DAB1: variants seen among roughly 807,000 people sequenced by gnomAD.
The protein encoded by DAB1 is DAB adaptor protein 1.
In DAB1, 15 loss-of-function variants were observed where a neutral mutation model predicts 64.6. The observed-to-expected ratio is 0.23, with a 90% CI of 0.16 to 0.36. The LOEUF (loss-of-function observed/expected upper bound fraction) is 0.36. DAB1 is among the 10% of genes least tolerant of loss of function. The pLI, the probability that DAB1 is intolerant of heterozygous loss-of-function variation, is 1.00. For missense variants in DAB1, 596 were observed against 706.7 expected (o/e 0.84, Z 1.78); for synonymous variants, 235 against 251.9 (o/e 0.93, Z 0.64).
At position 58,043,501 on chromosome 1, in the gene DAB1, A is replaced by G. The variant is rs113903419; in HGVS notation, n.387+107010T>C. 5.5e-3 allele frequency among the ~76,000 whole-genome samples: 843 copies of G among 152,212 alleles called. 9 individuals carry two copies. Among genetic ancestry groups the G allele is most frequent in the African/African-American group, 0.019 (777 of 41,522 alleles). On this transcript the variant is annotated intron_variant and non_coding_transcript_variant, in intron 5 of 20. Coordinates refer to the DAB1 transcript ENST00000485760. The stretch of plus-strand genomic sequence containing the variant: ...TTCCACTGCTTGTAGTGCTTTTTCA[A>G]TCTGATCCATCTGACAAAACTCTCT...
chr1:57,399,520 G>A (rs1570449861), intron 1 of DAB1, among the ~76,000 whole-genome samples: 1 of 152,204 alleles, frequency 6.6e-6, no homozygotes, highest in Admixed American at 6.5e-5. Flanking sequence ...TGCTTTAGAA[G>A]GTAGGCCAAG....
intron 6 of DAB1, among the ~76,000 whole-genome samples, chr1:57,692,400 G>A (rs1400837158): frequency 6.6e-6 from 1 of 151,998 alleles, no homozygotes; most frequent in African/African-American, 2.4e-5. Context: ...GAGAGGAAGA[G>A]AGAAAGAGAA....
intron 4 of DAB1, among the ~76,000 whole-genome samples, chr1:57,133,744 T>C (rs1444938482): frequency 4.6e-5 from 7 of 152,122 alleles, no homozygotes. Flanking sequence ...TCTTGGTTTT[T>C]AAAAAAAGTG....
intron 1 of DAB1, among the ~76,000 whole-genome samples, chr1:57,390,525 A>G (rs1682262415): frequency 6.6e-6 from 1 of 152,226 alleles, no homozygotes. Context: ...TTCTGCAAGC[A>G]AGTGTCCCAA....
chr1:57,583,693 C>T (rs145448203), intron 7 of DAB1, among the ~76,000 whole-genome samples: 199 of 152,298 alleles, frequency 1.3e-3, no homozygotes, highest in Middle Eastern at 3.4e-3. Flanking sequence ...GTGCATCAAA[C>T]AAATCATATG....
chr1:57,916,186 A>G (rs992083582), intron 5 of DAB1, among the ~76,000 whole-genome samples: 1 of 152,198 alleles, frequency 6.6e-6, no homozygotes, highest in African/African-American at 2.4e-5. Flanking sequence ...GGGCTGTAAC[A>G]CAGCCAAACC....
At chr1:58,331,153 A>T (rs1372671554) in intron 4 of DAB1, among the ~76,000 whole-genome samples, 1 of 152,202 alleles carries the variant, frequency 6.6e-6, no homozygotes, top group Non-Finnish European at 1.5e-5. Flanking sequence ...GAAGAAGTTG[A>T]TTCCAACCCT....
chr1:57,338,543 T>C (rs566201040), intron 1 of DAB1, among the ~76,000 whole-genome samples: 1 of 152,326 alleles, frequency 6.6e-6, no homozygotes, highest in Admixed American at 6.5e-5. Flanking sequence ...AGGCTATTTT[T>C]ATGCAAGTTT....
intron 7 of DAB1, among the ~76,000 whole-genome samples, chr1:57,624,702 A>T (rs1645901986): frequency 6.6e-6 from 1 of 152,236 alleles, no homozygotes; most frequent in Non-Finnish European, 1.5e-5. Context: ...AATAAGCCAC[A>T]TTAACAAAGC....
intron 6 of DAB1, among the ~76,000 whole-genome samples, chr1:57,736,316 C>G (rs1647690097): frequency 6.6e-6 from 1 of 152,124 alleles, no homozygotes. Flanking sequence ...TGCTAGGACC[C>G]CAAAGCAAAC....
chr1:57,597,210 G>A (rs1645521401), intron 7 of DAB1, among the ~76,000 whole-genome samples: 1 of 152,132 alleles, frequency 6.6e-6, no homozygotes, highest in Admixed American at 6.5e-5. Context: ...CCTAATCAAA[G>A]CCTGCCTGAT....
intron 5 of DAB1, among the ~76,000 whole-genome samples, chr1:58,003,561 C>T (rs1477648125): frequency 6.6e-6 from 1 of 152,166 alleles, no homozygotes; most frequent in East Asian, 1.9e-4. Flanking sequence ...ACATAGATTC[C>T]ACCTGTGTGG....
intron 1 of DAB1, chr1:58,541,632 A>AAAAAC (rs1432428303): frequency 6.4e-4 from 94 of 146,430 alleles, no homozygotes; most frequent in African/African-American, 2.2e-3. Flanking sequence ...AAAAAAAAAA[A>AAAAAC]AAAAAAAAAC....
intron 3 of DAB1, among the ~76,000 whole-genome samples, chr1:58,402,598 T>A (rs1451625394): frequency 6.6e-6 from 1 of 150,566 alleles, no homozygotes; most frequent in Non-Finnish European, 1.5e-5. Flanking sequence ...AGGCATTCAA[T>A]AAATAGTTGT....
chr1:57,858,964 T>C (rs1367777187), intron 1 of DAB1, among the ~76,000 whole-genome samples: 2 of 152,040 alleles, frequency 1.3e-5, no homozygotes, highest in South Asian at 4.2e-4. Context: ...GTCAGAACCC[T>C]GTGCCCGGAG....
intron 7 of DAB1, among the ~76,000 whole-genome samples, chr1:57,586,764 T>A (rs1645385845): frequency 6.6e-6 from 1 of 151,008 alleles, no homozygotes; most frequent in Non-Finnish European, 1.5e-5. Flanking sequence ...TTCCCTTGGA[T>A]GTTCAGTCCT....
At chr1:58,142,598 C>T (rs904501802) in intron 5 of DAB1, among the ~76,000 whole-genome samples, 3 of 152,254 alleles carry the variant, frequency 2.0e-5, no homozygotes, top group Non-Finnish European at 4.4e-5. Context: ...TAAGCCTATG[C>T]TCCCTTTCAT....
intron 7 of DAB1, among the ~76,000 whole-genome samples, chr1:57,454,835 G>A (rs1686523365): frequency 6.6e-6 from 1 of 152,076 alleles, no homozygotes; most frequent in Non-Finnish European, 1.5e-5. Flanking sequence ...ATTAAGCTGA[G>A]CACTGGGGAT....
At chr1:57,477,955 A>G (rs1643959281) in intron 7 of DAB1, among the ~76,000 whole-genome samples, 1 of 148,928 alleles carries the variant, frequency 6.7e-6, no homozygotes, top group African/African-American at 2.4e-5. Context: ...CACAACGTGC[A>G]GGTTTGTTAC....
Sources: gnomAD v4.1 joint callset for allele counts (sites outside exome capture counted in the v4.1 genomes callset) on GRCh38, gnomAD v4.1.1 for gene constraint, MANE v1.5 for transcripts, NCBI Gene and HGNC (gene_info 2026-07-23, HGNC 2026-07-21) for gene names.